ZNF365: variants seen among roughly 807,000 people sequenced by gnomAD.
The protein encoded by ZNF365 is zinc finger protein 365, also known as protein ZNF365.
ZNF365 carries 22 observed loss-of-function variants against 35.0 expected under a neutral mutation model. The observed-to-expected ratio is 0.63, with a 90% CI of 0.45 to 0.90. ZNF365 has a LOEUF of 0.90. Ranked by LOEUF, ZNF365 falls within the 40% of genes least tolerant of loss-of-function variation. ZNF365 has a pLI of 0.00. For synonymous variants in ZNF365, 188 were observed against 196.2 expected, an observed-to-expected ratio of 0.96 and a Z score of 0.35; for missense variants, 448 against 500.3, an observed-to-expected ratio of 0.90 and a Z score of 1.00.
At chr10:62,412,071 C>G (rs1332657449) in intron 3 of ZNF365, among the ~76,000 whole-genome samples, 2 of 152,048 alleles carry the variant, frequency 1.3e-5, no homozygotes, top group Non-Finnish European at 2.9e-5. Flanking sequence ...AGCAACACAT[C>G]AAAAAGCTTA....
chr10:62,479,341 A>G (rs948638434), intron 4 of ZNF365, among the ~76,000 whole-genome samples: 10 of 152,244 alleles, frequency 6.6e-5, no homozygotes, highest in African/African-American at 2.4e-4. Flanking sequence ...GAAAAAGCAC[A>G]GAAGACAACT....
intron 3 of ZNF365, among the ~76,000 whole-genome samples, chr10:62,410,924 C>T (rs1319172927): frequency 6.6e-6 from 1 of 152,164 alleles, no homozygotes; most frequent in Non-Finnish European, 1.5e-5. Context: ...TTCTCTACAA[C>T]CTTGCCAGCA....
At chr10:62,407,879 G>A (rs1554825183) in intron 3 of ZNF365, among the ~76,000 whole-genome samples, 1 of 151,678 alleles carries the variant, frequency 6.6e-6, no homozygotes, top group Non-Finnish European at 1.5e-5. Context: ...TCTTAACACA[G>A]CCTTAACCAG....
downstream of ZNF365, among the ~76,000 whole-genome samples, chr10:62,402,734 C>T (rs1238755977): frequency 1.3e-5 from 2 of 152,192 alleles, no homozygotes; most frequent in African/African-American, 2.4e-5. Context: ...GAGTAATTTT[C>T]CTACACTGTA....
At position 62,401,117 on chromosome 10, in the gene ZNF365, T is replaced by C. The variant is rs977561371; in HGVS notation, c.*1328T>C. The C allele has an allele frequency of 1.0e-6, 1 of 983,416 alleles. No homozygotes were observed. Among genetic ancestry groups the C allele is most frequent in the Middle Eastern group, 5.2e-4 (1 of 1,906 alleles). The allele number at this position is 983,416 out of a possible 1,614,324, so 60.9% of individuals were successfully genotyped here. ...TCTTCTGAAAACAGGAATAATTTTG[T>C]CCACAAATATATACATATATACATA... On this transcript the variant is annotated 3_prime_UTR_variant, in exon 5 of 5. Transcript: ENST00000395254.
At chr10:62,392,891 CA>C (rs931790307) in intron 3 of ZNF365, among the ~76,000 whole-genome samples, 3 of 152,216 alleles carry the variant, frequency 2.0e-5, no homozygotes, top group Non-Finnish European at 4.4e-5. Context: ...CTCGGCCTCC[CA>C]AAGTGCTGGG....
intron 3 of ZNF365, among the ~76,000 whole-genome samples, chr10:62,419,347 T>C (rs1329971747): frequency 6.6e-6 from 1 of 152,064 alleles, no homozygotes; most frequent in Non-Finnish European, 1.5e-5. Context: ...TATTTATCAA[T>C]CTAAAAGGAA....
Position 62,400,171 on chromosome 10 carries a change from A to G in ZNF365, c.*382A>G. ...CTAGGGAGAAAATTCATCTGTGCCC[A>G]CTGCTCTCCAAAGTGCGAGGCAAGG... On this transcript the variant is annotated 3_prime_UTR_variant, in exon 5 of 5. Transcript: ENST00000395254. 1 of 1,015,772 alleles carries G rather than the reference A, an allele frequency of 9.8e-7. No homozygotes were observed. Among genetic ancestry groups the G allele is most frequent in the Non-Finnish European group, 1.2e-6 (1 of 847,554 alleles). The allele number at this position is 1,015,772 out of a possible 1,614,324, so 62.9% of individuals were successfully genotyped here.
intron 3 of ZNF365, among the ~76,000 whole-genome samples, chr10:62,429,983 A>T (rs897941553): frequency 1.3e-5 from 2 of 152,360 alleles, no homozygotes; most frequent in South Asian, 2.1e-4. Flanking sequence ...GATATTCTAT[A>T]TGCAGGGTTT....
At chr10:62,445,835 G>T (rs1840578240) in intron 3 of ZNF365, among the ~76,000 whole-genome samples, 1 of 151,848 alleles carries the variant, frequency 6.6e-6, no homozygotes, top group African/African-American at 2.4e-5. Context: ...TTTCTTCATT[G>T]GCCTCGGTCA....
Position 62,388,520 on chromosome 10 carries a change from G to A in ZNF365, c.868G>A (p.Glu290Lys). 6.2e-7 allele frequency: 1 copy of A among 1,614,138 alleles called. No individual in the cohort carries two copies. Among genetic ancestry groups the A allele is most frequent in the Non-Finnish European group, 8.5e-7 (1 of 1,180,032 alleles). ...GGTAGAACTGGCGGAGAAGCAGCTTGAGTACTATCAGAGCCAGCAGGCCTC... is the reference window on the plus strand; with the variant it reads ...GGTAGAACTGGCGGAGAAGCAGCTTAAGTACTATCAGAGCCAGCAGGCCTC... ...QRVELAEKQLEYYQSQQASGF... is the reference protein window; with the variant it reads ...QRVELAEKQLKYYQSQQASGF... The change falls in exon 3 of 5, where the codon GAG (glutamate) becomes AAG (lysine). Residue 290 changes from glutamate (E) to lysine (K), a missense_variant. Coordinates refer to ENST00000395254, the MANE Select transcript of ZNF365 (RefSeq NM_014951.3).
In ZNF365 at chr10:62,399,553, T is replaced by A; in HGVS notation, c.988T>A (p.Cys330Ser). ...AAGCCGAGGGCACCCGCATTCGGTATGTAACCACCCTGATCTCAAGGCCCA... is the reference window on the plus strand; with the variant it reads ...AAGCCGAGGGCACCCGCATTCGGTAAGTAACCACCCTGATCTCAAGGCCCA... ...CLSRGHPHSV[C>S]NHPDLKAHFH... Residue 330 changes from cysteine to serine, a missense_variant, in exon 5 of 5, where the codon TGT becomes AGT. Around this residue, in one of 3 missense-constraint regions of ZNF365, gnomAD observed 362 missense variants for 375.7 expected, o/e 0.96. Coordinates refer to ENST00000395254, the MANE Select transcript of ZNF365 (RefSeq NM_014951.3). 1 of 1,614,088 alleles carries A rather than the reference T, an allele frequency of 6.2e-7. No homozygotes were observed. Among genetic ancestry groups the A allele is most frequent in the Non-Finnish European group, 8.5e-7 (1 of 1,180,010 alleles).
chr10:62,443,940 G>A (rs149216679), intron 3 of ZNF365, among the ~76,000 whole-genome samples: 34 of 152,292 alleles, frequency 2.2e-4, no homozygotes, highest in African/African-American at 7.0e-4. Flanking sequence ...CCCCCATGGA[G>A]TACAGCTTGA....
At chr10:62,448,371 A>G (rs1300540875) in intron 3 of ZNF365, among the ~76,000 whole-genome samples, 2 of 152,202 alleles carry the variant, frequency 1.3e-5, no homozygotes, top group African/African-American at 4.8e-5. Context: ...GGGGACAGCT[A>G]TGACTCCAAC....
At chr10:62,470,802 GTTTAT>G (rs1402428705) in intron 4 of ZNF365, among the ~76,000 whole-genome samples, 1 of 151,840 alleles carries the variant, frequency 6.6e-6, no homozygotes, top group Non-Finnish European at 1.5e-5. Context: ...GTTGCCTTTC[GTTTAT>G]TTTGATTATT....
At chr10:62,386,429 A>G (rs1839527560) in intron 2 of ZNF365, among the ~76,000 whole-genome samples, 1 of 152,220 alleles carries the variant, frequency 6.6e-6, no homozygotes, top group Non-Finnish European at 1.5e-5. Context: ...TGATGGAATT[A>G]TTATGGAATT....
chr10:62,405,266 C>A (rs574821500), downstream of ZNF365, among the ~76,000 whole-genome samples: 10 of 152,292 alleles, frequency 6.6e-5, no homozygotes, highest in East Asian at 1.9e-3. Flanking sequence ...GCTCCAGCAT[C>A]GTGCCTTCTT....
At chr10:62,444,246 C>G (rs1176740957) in intron 3 of ZNF365, among the ~76,000 whole-genome samples, 1 of 152,098 alleles carries the variant, frequency 6.6e-6, no homozygotes, top group East Asian at 1.9e-4. Flanking sequence ...GGAGGCTGAT[C>G]CCTGCAGATA....
chr10:62,410,655 T>G (rs940940932), intron 3 of ZNF365, among the ~76,000 whole-genome samples: 5 of 152,164 alleles, frequency 3.3e-5, no homozygotes, highest in African/African-American at 1.2e-4. Context: ...ATGAGGATAA[T>G]GGCTTCCAGC....
Sources: gnomAD v4.1 joint callset for allele counts (sites outside exome capture counted in the v4.1 genomes callset) on GRCh38, gnomAD v4.1.1 for gene constraint, gnomAD v4.1.1 regional missense constraint, MANE v1.5 for transcripts, NCBI Gene and HGNC (gene_info 2026-07-23, HGNC 2026-07-21) for gene names.